The following TARM1 variants were observed in gnomAD, a reference collection of about 807,000 sequenced individuals.
TARM1 encodes the protein T cell-interacting, activating receptor on myeloid cells 1, also known as T-cell-interacting, activating receptor on myeloid cells protein 1.
TARM1 carries 24 observed loss-of-function variants against 30.4 expected under a neutral mutation model. That is an observed-to-expected ratio of 0.79 (90% CI 0.57 to 1.11). TARM1 has a LOEUF of 1.11. TARM1 is among the 50% of genes least tolerant of loss of function. The pLI, the probability that TARM1 is intolerant of heterozygous loss-of-function variation, is 0.00. For synonymous variants in TARM1, 129 were observed against 138.9 expected (o/e 0.93, Z 0.50); for missense variants, 323 against 332.8 (o/e 0.97, Z 0.23).
At position 54,075,928 on chromosome 19, in the gene TARM1, A is replaced by G; in HGVS notation, c.35-10T>C. 1.9e-6 allele frequency: 3 copies of G among 1,551,080 alleles called. No homozygotes were observed. The Admixed American group carries it at 5.9e-5, about 30-fold the overall frequency. On this transcript the variant is annotated splice_polypyrimidine_tract_variant and intron_variant, in intron 1 of 4. Transcript: ENST00000432826. ...TGGCCCACGCACAGTCCTGCAAGAC[A>G]ATCCTCCGTGAGCCAGAAGCCCCTA...
chr19:54,074,132 C>G lies in TARM1; in HGVS notation c.446G>C (p.Arg149Pro). 1 of 1,551,734 alleles carries G rather than the reference C, an allele frequency of 6.4e-7. No homozygotes were observed. The highest frequency in any genetic ancestry group is 8.7e-7 in the Non-Finnish European group (1 of 1,147,004). Residue 149 changes from arginine (R) to proline (P), a missense_variant, in exon 4 of 5, where the codon CGA becomes CCA. Arg to Pro is a moderately radical substitution (Grantham distance 103, BLOSUM62 -2). Transcript: ENST00000432826. ...CATGATAGGCACAAACAATTGGTCT[C>G]GCTTCTGGCACTGCAGAGTCACCCT... is the stretch of plus-strand genomic sequence containing the variant. ...GGRVTLQCQKRDQLFVPIMFA... is the reference protein window; with the variant it reads ...GGRVTLQCQKPDQLFVPIMFA...
At chr19:54,079,854 A>C (rs1394177561) in intron 1 of TARM1, among the ~76,000 whole-genome samples, 1 of 151,302 alleles carries the variant, frequency 6.6e-6, no homozygotes, top group Non-Finnish European at 1.5e-5. Context: ...AAGTACAAAA[A>C]ATCAGCCGGG....
At chr19:54,074,386 A>G (rs1212259074) in intron 3 of TARM1, among the ~76,000 whole-genome samples, 170 bp from the exon 4 acceptor site, 3 of 152,088 alleles carry the variant, frequency 2.0e-5, no homozygotes, top group Admixed American at 6.6e-5. Flanking sequence ...TCTCCCTCCT[A>G]CAAGACCTGT....
At chr19:54,071,809 C>T (rs1437024096) in intron 4 of TARM1, among the ~76,000 whole-genome samples, 3 of 151,836 alleles carry the variant, frequency 2.0e-5, no homozygotes, top group South Asian at 2.1e-4. Flanking sequence ...CCAGCTTGGG[C>T]GACAGAGTGA....
chr19:54,079,053 G>A (rs947855639), intron 1 of TARM1, among the ~76,000 whole-genome samples: 11 of 144,790 alleles, frequency 7.6e-5, no homozygotes, highest in Admixed American at 6.2e-4. Flanking sequence ...TCAGGAGATC[G>A]AGACCAGCCT....
Position 54,080,095 on chromosome 19 carries a change from G to GAAA in TARM1, c.34+1211_34+1212insTTT, listed in dbSNP as rs1317526146. Reference sequence around the variant, plus strand: ...GGAATGAAGGAGAAAGAGAAAGAAAGGAAGGAAGGAAGGAAGGAAGGAAGG... The same window carrying GAAA: ...GGAATGAAGGAGAAAGAGAAAGAAAGAAAGAAGGAAGGAAGGAAGGAAGGAAGG... On this transcript the variant is annotated intron_variant, in intron 1 of 4. Transcript: ENST00000432826. Among the ~76,000 whole-genome samples, 24 of 12,864 alleles carry GAAA rather than the reference G, an allele frequency of 1.9e-3. 1 individual carries two copies. Among genetic ancestry groups the GAAA allele is most frequent in the African/African-American group, 0.013 (23 of 1,818 alleles). 8.4% of individuals were successfully genotyped at this position (12,864 alleles called of 152,430 possible).
Position 54,074,083 on chromosome 19 carries a change from C to T in TARM1, c.495G>A (p.Thr165=), listed in dbSNP as rs1275884676. Residue 165 remains threonine, a synonymous_variant, in exon 4 of 5, where the codon ACG becomes ACA. Coordinates refer to ENST00000432826, the MANE Select transcript of TARM1 (RefSeq NM_001135686.3). ...PIMFALLKAG[T]PSPIQLQSPA... ...GACTCTGCAGCTGGATGGGTGATGG[C>T]GTCCCTGCCTTCAGTAGAGCGAACA... 1.1e-5 allele frequency: 17 copies of T among 1,551,656 alleles called. No homozygotes were observed. Among genetic ancestry groups the T allele is most frequent in the Middle Eastern group, 1.7e-4 (1 of 5,992 alleles).
chr19:54,077,798 A>G (rs587735909), intron 1 of TARM1, among the ~76,000 whole-genome samples: 64 of 141,008 alleles, frequency 4.5e-4, no homozygotes, highest in African/African-American at 1.6e-3. Flanking sequence ...GCTGGAGTGC[A>G]ATGGCGCGAT....
rs1394128201 is a variant in TARM1 at position 54,076,274 on chromosome 19, A to G, written c.35-356T>C. On this transcript the variant is annotated intron_variant, in intron 1 of 4. Transcript: ENST00000432826. Reference sequence around the variant, plus strand: ...TCTTTCTTTCTTTTTTCTTTCTTTCATTCATTCTTTCTTTCATTCATTCCA... The same window carrying G: ...TCTTTCTTTCTTTTTTCTTTCTTTCGTTCATTCTTTCTTTCATTCATTCCA... The G allele has an allele frequency of 1.5e-5, 21 of 1,404,788 alleles. No individual in the cohort carries two copies. The Admixed American group carries it at 1.6e-4, about 11-fold the overall frequency. 87.0% of individuals were successfully genotyped at this position (1,404,788 alleles called of 1,614,324 possible). A position where few individuals can be genotyped will look rare whatever the true frequency, so the allele number is the denominator to read the frequency against.
chr19:54,073,682 G>A (rs587670025), intron 4 of TARM1, among the ~76,000 whole-genome samples: 19 of 151,726 alleles, frequency 1.3e-4, no homozygotes, highest in South Asian at 4.2e-4. Context: ...TAGTAGAGAC[G>A]GGGTTTCACT....
intron 4 of TARM1, 77 bp downstream of exon 4, chr19:54,073,843 T>C (rs587756976): frequency 6.9e-7 from 1 of 1,459,402 alleles, no homozygotes; most frequent in Non-Finnish European, 9.3e-7. Context: ...AATGAAGAAA[T>C]GAGATTCACA....
intron 1 of TARM1, among the ~76,000 whole-genome samples, chr19:54,080,132 GAAGGAAGA>G (rs1244563063): frequency 1.9e-5 from 1 of 51,818 alleles, no homozygotes; most frequent in Non-Finnish European, 3.9e-5. Context: ...AGGAAGGAAG[GAAGGAAGA>G]AAGCAAGCAA....
At chr19:54,076,257 TCTTTTTTC>T (rs1173054994) in intron 1 of TARM1, 1 of 1,493,840 alleles carries the variant, frequency 6.7e-7, no homozygotes, top group African/African-American at 1.4e-5. Flanking sequence ...TTTCTTTCTT[TCTTTTTTC>T]TTTCTTTCAT....
chr19:54,078,596 C>T (rs1344569053), intron 1 of TARM1, among the ~76,000 whole-genome samples: 1 of 151,786 alleles, frequency 6.6e-6, no homozygotes, highest in Non-Finnish European at 1.5e-5. Context: ...CCAGGCTGTT[C>T]TCGAACTCCT....
rs2071875291 is a variant in TARM1 at position 54,073,960 on chromosome 19, C to G, written c.618G>C (p.Trp206Cys). The change falls in exon 4 of 5, where the codon TGG becomes TGC. Residue 206 changes from tryptophan (W) to cysteine (C), a missense_variant. Physicochemically the swap from Trp to Cys is radical, Grantham distance 215. Transcript: ENST00000432826. ...CMYYQTKSPF[W>C]ASEPSDQLEI... is the part of the protein sequence containing the mutation. Reference sequence around the variant, plus strand: ...CAAGCTGATCACTGGGTTCTGAGGCCCAGAAGGGAGACTTTGTCTGGTAGT... The same window carrying G: ...CAAGCTGATCACTGGGTTCTGAGGCGCAGAAGGGAGACTTTGTCTGGTAGT... The G allele has an allele frequency of 6.4e-7, 1 of 1,551,682 alleles. No individual in the cohort carries two copies. Among genetic ancestry groups the G allele is most frequent in the East Asian group, 2.4e-5 (1 of 40,916 alleles).
intron 4 of TARM1, among the ~76,000 whole-genome samples, chr19:54,073,407 C>CAAAAA (rs745643672): frequency 3.0e-5 from 2 of 66,082 alleles, no homozygotes; most frequent in Non-Finnish European, 5.2e-5. Context: ...GACTCCATTT[C>CAAAAA]AAAAAAAAAA....
At chr19:54,074,301 T>TTTCCCACACTCCAC in intron 3 of TARM1, 85 bp from the exon 4 acceptor site, 1 of 1,292,636 alleles carries the variant, frequency 7.7e-7, no homozygotes, top group Non-Finnish European at 1.1e-6. Flanking sequence ...GAGGCTCTCG[T>TTTCCCACACTCCAC]GGAGTGTGGG....
At chr19:54,071,773 G>T (rs939361335) in intron 4 of TARM1, among the ~76,000 whole-genome samples, 7 of 152,110 alleles carry the variant, frequency 4.6e-5, no homozygotes, top group Non-Finnish European at 8.8e-5. Flanking sequence ...GGAGGCTGCA[G>T]TGAGCTCAGA....
intron 4 of TARM1, among the ~76,000 whole-genome samples, chr19:54,072,932 C>T (rs778557136): frequency 6.6e-6 from 1 of 151,804 alleles, no homozygotes; most frequent in Non-Finnish European, 1.5e-5. Context: ...GAGCTGAGAT[C>T]GCACCACTGC....
Sources: gnomAD v4.1 joint callset for allele counts (sites outside exome capture counted in the v4.1 genomes callset) on GRCh38, gnomAD v4.1.1 for gene constraint, MANE v1.5 for transcripts, NCBI Gene and HGNC (gene_info 2026-07-23, HGNC 2026-07-21) for gene names.